TNKS2: variants seen among roughly 807,000 people sequenced by gnomAD.
TNKS2 encodes the protein tankyrase 2.
TNKS2 carries 72 observed loss-of-function variants against 137.6 expected under a neutral mutation model. The ratio of observed to expected loss-of-function variants is 0.52; its 90% CI spans 0.43 to 0.64. TNKS2 has a LOEUF of 0.64. Among genes scored for constraint, TNKS2 ranks in the 30% least tolerant of loss-of-function variants. The pLI is 0.00. For synonymous variants in TNKS2, 516 were observed against 512.1 expected, an observed-to-expected ratio of 1.01 and a Z score of -0.10; for missense variants, 1,049 against 1,410.2, an observed-to-expected ratio of 0.74 and a Z score of 4.10.
intron 9 of TNKS2, among the ~76,000 whole-genome samples, chr10:91,830,405 AG>A (rs1332699748): frequency 2.0e-5 from 3 of 152,040 alleles, no homozygotes; most frequent in African/African-American, 4.8e-5. Context: ...TTTATTAGAG[AG>A]GGGGTTTCAC....
At chr10:91,826,400 T>C (rs1845072139) in intron 7 of TNKS2, among the ~76,000 whole-genome samples, 1 of 152,182 alleles carries the variant, frequency 6.6e-6, no homozygotes, top group Non-Finnish European at 1.5e-5. Context: ...CAAATTATGA[T>C]ATATGTATAC....
chr10:91,836,596 C>T, intron 12 of TNKS2: 1 of 975,754 alleles, frequency 1.0e-6, no homozygotes, highest in African/African-American at 1.7e-5. Flanking sequence ...TAATTTAATA[C>T]TTTTGCACCA....
intron 13 of TNKS2, among the ~76,000 whole-genome samples, chr10:91,839,811 C>G (rs1047390198): frequency 6.6e-6 from 1 of 152,136 alleles, no homozygotes; most frequent in Non-Finnish European, 1.5e-5. Flanking sequence ...TCCATATTAC[C>G]TAGGGATCTT....
chr10:91,809,934 G>C (rs1350950551), intron 1 of TNKS2, among the ~76,000 whole-genome samples: 2 of 152,116 alleles, frequency 1.3e-5, no homozygotes, highest in East Asian at 1.9e-4. Flanking sequence ...TTTTCTTTTG[G>C]GTCTTTGTGA....
intron 25 of TNKS2, among the ~76,000 whole-genome samples, chr10:91,860,512 T>C (rs1842824885): frequency 6.6e-6 from 1 of 152,114 alleles, no homozygotes; most frequent in African/African-American, 2.4e-5. Flanking sequence ...ACCACTGATC[T>C]AGAAAAAAAC....
chr10:91,822,432 T>A, intron 7 of TNKS2, 70 bp downstream of exon 7: 1 of 1,265,124 alleles, frequency 7.9e-7, no homozygotes, highest in Non-Finnish European at 1.1e-6. Context: ...CATTAGTATG[T>A]CTGGGTTTCT....
intron 12 of TNKS2, among the ~76,000 whole-genome samples, chr10:91,836,325 G>GTTTAA (rs893844202): frequency 6.6e-6 from 1 of 151,858 alleles, no homozygotes; most frequent in Non-Finnish European, 1.5e-5. Flanking sequence ...TATTTTTAGG[G>GTTTAA]TTTAATTTTT....
At chr10:91,840,503 A>G in intron 13 of TNKS2, 58 bp from the exon 14 acceptor site, 2 of 1,500,100 alleles carry the variant, frequency 1.3e-6, no homozygotes, top group South Asian at 1.3e-5. Flanking sequence ...AAATGACTTG[A>G]AACAAGAAAT....
Position 91,848,401 on chromosome 10 carries a change from C to G in TNKS2, c.2377C>G (p.Leu793Val). The part of the protein sequence containing the change: ...DLVSADDVSA[L>V]LTAAMPPSAL... ...ACCCTAGGCGGATGATGTCAGCGCT[C>G]TTCTGACAGCAGCCATGCCCCCATC... The change falls in exon 19 of 27, where the codon CTT becomes GTT. Residue 793 changes from leucine to valine, a missense_variant. This residue lies in a region of TNKS2 where 208 missense variants were observed against 231.2 expected (regional missense o/e 0.90). Transcript: ENST00000371627. 1 of 1,614,160 alleles carries G rather than the reference C, an allele frequency of 6.2e-7. No homozygotes were observed. Among genetic ancestry groups the G allele is most frequent in the Non-Finnish European group, 8.5e-7 (1 of 1,180,016 alleles).
intron 1 of TNKS2, among the ~76,000 whole-genome samples, chr10:91,799,763 A>T (rs1844101754): frequency 6.6e-6 from 1 of 152,246 alleles, no homozygotes. Flanking sequence ...TGTAGGAAAG[A>T]TGATGACTGT....
intron 21 of TNKS2, among the ~76,000 whole-genome samples, chr10:91,853,478 A>G (rs536494510): frequency 6.6e-6 from 1 of 152,308 alleles, no homozygotes; most frequent in African/African-American, 2.4e-5. Context: ...TAGTCAACCA[A>G]CAGGGATTCT....
intron 18 of TNKS2, 49 bp from the exon 19 acceptor site, chr10:91,848,334 C>T (rs1277003480): frequency 6.4e-7 from 1 of 1,574,454 alleles, no homozygotes; most frequent in South Asian, 1.2e-5. Context: ...GGTATAATAG[C>T]ATTTTAAAAC....
At position 91,841,292 on chromosome 10, in the gene TNKS2, A is replaced by C. The variant is rs760470036; in HGVS notation, c.1683A>C (p.Val561=). The change falls in exon 15 of 27, where the codon GTA becomes GTC. Residue 561 remains valine (V), a synonymous_variant. Transcript: ENST00000371627. ...ATTTATTACTTTTCAGAGGCCTTGT[A>C]CCTTTGCACAATGCATGTTCTTATG... ...DVHAKDKGGL[V]PLHNACSYGH... 6 of 1,561,504 alleles carry C rather than the reference A, an allele frequency of 3.8e-6. No individual in the cohort carries two copies. Among genetic ancestry groups the C allele is most frequent in the African/African-American group, 1.4e-5 (1 of 72,312 alleles).
chr10:91,837,248 G>A (rs938104748), intron 13 of TNKS2, among the ~76,000 whole-genome samples: 41 of 152,064 alleles, frequency 2.7e-4, no homozygotes, highest in Non-Finnish European at 4.0e-4. Context: ...TACCAAATGG[G>A]TTTTGCTTGA....
At position 91,848,381 on chromosome 10, in the gene TNKS2, A is replaced by G; in HGVS notation, c.2359-2A>G. ...AGATGTTGTCTCTGACACGTACCCT[A>G]GGCGGATGATGTCAGCGCTCTTCTG... On this transcript the variant is annotated splice_acceptor_variant, in intron 18 of 26. Coordinates refer to ENST00000371627, the MANE Select transcript of TNKS2 (RefSeq NM_025235.4). LOFTEE classifies it high-confidence loss of function. 1 of 1,613,872 alleles carries G rather than the reference A, an allele frequency of 6.2e-7. No individual in the cohort carries two copies. Among genetic ancestry groups the G allele is most frequent in the Non-Finnish European group, 8.5e-7 (1 of 1,179,820 alleles).
intron 9 of TNKS2, among the ~76,000 whole-genome samples, chr10:91,830,396 T>C (rs1046670926): frequency 6.6e-6 from 1 of 152,098 alleles, no homozygotes; most frequent in Non-Finnish European, 1.5e-5. Context: ...TTTTGTATTT[T>C]TATTAGAGAG....
intron 11 of TNKS2, among the ~76,000 whole-genome samples, chr10:91,832,990 C>G (rs149145584): frequency 7.4e-4 from 112 of 152,260 alleles, no homozygotes; most frequent in Admixed American, 6.3e-3. Context: ...AATCTGCAGA[C>G]TATTCCTCCT....
At position 91,819,310 on chromosome 10, in the gene TNKS2, C is replaced by T. The variant is rs200541975; in HGVS notation, c.557+4C>T. The T allele has an allele frequency of 1.4e-5, 21 of 1,450,444 alleles. No homozygotes were observed. Among genetic ancestry groups the T allele is most frequent in the Admixed American group, 8.0e-5 (3 of 37,702 alleles). The allele number at this position is 1,450,444 out of a possible 1,614,324, so 89.8% of individuals were successfully genotyped here. On this transcript the variant is annotated splice_donor_region_variant and intron_variant, in intron 4 of 26. Transcript: ENST00000371627. ...ATGAACTCTTAGAAAGTGCCAGGTA[C>T]GTACTAATGTTATAAATATGTGACA...
rs117020425 is a variant in TNKS2 at position 91,865,397 on chromosome 10, G to C, written c.*2398G>C. 1 of 152,538 alleles carries C rather than the reference G, an allele frequency of 6.6e-6. No homozygotes were observed. Among genetic ancestry groups the C allele is most frequent in the African/African-American group, 2.4e-5 (1 of 41,420 alleles). The allele number at this position is 152,538 out of a possible 1,614,324, so 9.4% of individuals were successfully genotyped here. ...AAACAATGTAGTTCTGAGTCTAATA[G>C]TGATAAAGAATGCAGTTTGAAGTTT... On this transcript the variant is annotated 3_prime_UTR_variant, in exon 27 of 27. Transcript: ENST00000371627.
Sources: allele counts gnomAD v4.1 joint callset (sites outside exome capture counted in the v4.1 genomes callset), GRCh38; gene constraint gnomAD v4.1.1; regional missense constraint gnomAD v4.1.1; transcripts MANE v1.5; gene names NCBI Gene and HGNC (gene_info 2026-07-23, HGNC 2026-07-21).